Variants in GPHN observed in about 807,000 individuals in gnomAD.
GPHN encodes gephyrin.
Under a neutral mutation model 95.5 loss-of-function variants are expected in GPHN, and 17 were observed. That is an observed-to-expected ratio of 0.18 (90% confidence interval 0.12 to 0.27). The LOEUF (loss-of-function observed/expected upper bound fraction) is 0.27. GPHN is among the 10% of genes least tolerant of loss of function. The pLI is 1.00. For missense variants in GPHN, 660 were observed against 978.1 expected, an observed-to-expected ratio of 0.67 and a Z score of 4.34; for synonymous variants, 320 against 322.5, an observed-to-expected ratio of 0.99 and a Z score of 0.08.
the GPHN span, among the ~76,000 whole-genome samples, chr14:67,630,080 A>C: frequency 6.6e-6 from 1 of 152,118 alleles, no homozygotes; most frequent in Non-Finnish European, 1.5e-5. Flanking sequence ...ATGCTTTTCC[A>C]GTTCGGGTAG....
the GPHN span, among the ~76,000 whole-genome samples, chr14:67,280,904 T>G: frequency 7.3e-6 from 1 of 136,298 alleles, no homozygotes; most frequent in Admixed American, 7.3e-5. Flanking sequence ...TCTTTCTTTC[T>G]TTTTTTTTTT....
chr14:67,559,694 G>A, the GPHN span: 1 of 1,597,618 alleles, frequency 6.3e-7, no homozygotes, highest in Non-Finnish European at 8.5e-7. Context: ...TGGCAAAGGT[G>A]GGTTGGAAAC....
the GPHN span, among the ~76,000 whole-genome samples, chr14:67,206,411 G>C: frequency 6.6e-6 from 1 of 152,038 alleles, no homozygotes; most frequent in East Asian, 1.9e-4. Flanking sequence ...CAGGAGAATT[G>C]TTTGAAACCG....
chr14:66,720,847 G>A (rs1261517110), intron 2 of GPHN, among the ~76,000 whole-genome samples: 1 of 152,056 alleles, frequency 6.6e-6, no homozygotes, highest in East Asian at 1.9e-4. Flanking sequence ...CCTTATTGAT[G>A]GAGAGAGATG....
the GPHN span, among the ~76,000 whole-genome samples, chr14:67,269,331 A>G: frequency 6.6e-6 from 1 of 151,222 alleles, no homozygotes; most frequent in African/African-American, 2.4e-5. Context: ...ATTTTTGTAC[A>G]AGTTTTTGTG....
chr14:66,935,461 A>C (rs772744333), intron 8 of GPHN, among the ~76,000 whole-genome samples: 79 of 149,204 alleles, frequency 5.3e-4, no homozygotes, highest in Non-Finnish European at 8.9e-4. Flanking sequence ...GTGTGTGTGA[A>C]TATATATATG....
the GPHN span, among the ~76,000 whole-genome samples, chr14:67,713,397 CAAAAAAAAAAAAAA>C: frequency 1.9e-4 from 9 of 47,632 alleles, no homozygotes; most frequent in Admixed American, 2.4e-4. Context: ...AGTAAAACTC[CAAAAAAAAAAAAAA>C]AAAAAAAAAA....
the GPHN span, among the ~76,000 whole-genome samples, chr14:67,266,812 A>G: frequency 0.08 from 12,139 of 152,134 alleles, 1,152 homozygotes; most frequent in African/African-American, 0.23. Flanking sequence ...TATCTTTTAA[A>G]AAAACTTCGT....
intron 1 of GPHN, among the ~76,000 whole-genome samples, chr14:66,578,768 C>T (rs2061021393): frequency 6.7e-6 from 1 of 150,204 alleles, no homozygotes; most frequent in Non-Finnish European, 1.5e-5. Context: ...AGGACTTTCC[C>T]AGACAAATAA....
chr14:67,279,088 G>T, the GPHN span: 25 of 1,231,818 alleles, frequency 2.0e-5, no homozygotes, highest in Admixed American at 3.1e-5. Context: ...GAAGTAACAT[G>T]GATTTTATAC....
intron 1 of GPHN, among the ~76,000 whole-genome samples, chr14:66,593,334 T>G (rs1317250809): frequency 6.6e-6 from 1 of 151,014 alleles, no homozygotes; most frequent in Non-Finnish European, 1.5e-5. Flanking sequence ...TGTCCGATAC[T>G]GGGCAATTTA....
chr14:66,893,601 T>A (rs1164051714), intron 5 of GPHN, among the ~76,000 whole-genome samples: 1 of 152,224 alleles, frequency 6.6e-6, no homozygotes, highest in East Asian at 1.9e-4. Flanking sequence ...CATGATTGTA[T>A]GTTTAGAAAA....
intron 13 of GPHN, among the ~76,000 whole-genome samples, chr14:67,108,712 GGTGTGTGT>G (rs3063159): frequency 1.2e-3 from 151 of 131,208 alleles, no homozygotes; most frequent in Admixed American, 2.2e-3. Flanking sequence ...TTCCCTAAGG[GGTGTGTGT>G]GTGTGTGTGT....
At chr14:66,976,748 C>T (rs1262162409) in intron 9 of GPHN, among the ~76,000 whole-genome samples, 1 of 151,962 alleles carries the variant, frequency 6.6e-6, no homozygotes, top group Non-Finnish European at 1.5e-5. Context: ...TCTTAAGGAG[C>T]TTATAGTGGT....
the GPHN span, chr14:67,397,554 A>T: frequency 2.2e-6 from 2 of 927,192 alleles, no homozygotes; most frequent in Non-Finnish European, 3.1e-6. Context: ...CAAGTTTTTC[A>T]ATTCTAACTC....
chr14:66,811,273 C>T (rs1390607285), intron 3 of GPHN, among the ~76,000 whole-genome samples: 1 of 151,922 alleles, frequency 6.6e-6, no homozygotes, highest in African/African-American at 2.4e-5. Flanking sequence ...CAAACCTGAA[C>T]GTGCACTCCT....
chr14:67,093,783 T>C (rs2077233214), intron 12 of GPHN, among the ~76,000 whole-genome samples: 1 of 152,126 alleles, frequency 6.6e-6, no homozygotes, highest in Non-Finnish European at 1.5e-5. Context: ...CCTAATGTAA[T>C]ACTTGAGTGT....
intron 1 of GPHN, among the ~76,000 whole-genome samples, chr14:66,660,030 G>A (rs1297552783): frequency 6.6e-6 from 1 of 151,550 alleles, no homozygotes; most frequent in East Asian, 1.9e-4. Context: ...ATTTTTAGGA[G>A]TTTCATTTTT....
At chr14:67,215,949 C>T in the GPHN span, among the ~76,000 whole-genome samples, 6 of 152,246 alleles carry the variant, frequency 3.9e-5, no homozygotes, top group South Asian at 2.1e-4. Context: ...CCATTAGATT[C>T]GCTTTTAATG....
Sources: gnomAD v4.1 joint callset for allele counts (sites outside exome capture counted in the v4.1 genomes callset) on GRCh38, gnomAD v4.1.1 for gene constraint, MANE v1.5 for transcripts, NCBI Gene and HGNC (gene_info 2026-07-23, HGNC 2026-07-21) for gene names.